SMC5: variants seen among roughly 807,000 people sequenced by gnomAD.
The protein encoded by SMC5 is structural maintenance of chromosomes protein 5.
In SMC5, 88 loss-of-function variants were observed where a neutral mutation model predicts 148.3. The observed-to-expected ratio is 0.59, with a 90% CI of 0.50 to 0.71. The LOEUF (loss-of-function observed/expected upper bound fraction) is 0.71, where lower values mean the gene tolerates loss of function less well. Ranked by LOEUF, SMC5 falls within the 30% of genes least tolerant of loss-of-function variation. The pLI is 0.00. For synonymous variants in SMC5, 421 were observed against 432.8 expected (o/e 0.97, Z 0.34); for missense variants, 1,142 against 1,298.9 (o/e 0.88, Z 1.86).
At chr9:70,282,923 C>A (rs1182945433) in intron 7 of SMC5, among the ~76,000 whole-genome samples, 1 of 151,960 alleles carries the variant, frequency 6.6e-6, no homozygotes, top group Non-Finnish European at 1.5e-5. Flanking sequence ...TGAAGGAGGG[C>A]AATATAGAAA....
At chr9:70,323,901 C>A (rs1213057089) in intron 16 of SMC5, 120 bp from the exon 17 acceptor site, 2 of 980,904 alleles carry the variant, frequency 2.0e-6, no homozygotes, top group Non-Finnish European at 2.9e-6. Context: ...AGAGAGATGT[C>A]AGGCACAATA....
intron 10 of SMC5, among the ~76,000 whole-genome samples, chr9:70,304,460 G>A (rs898476984): frequency 6.6e-6 from 1 of 152,144 alleles, no homozygotes; most frequent in Non-Finnish European, 1.5e-5. Context: ...GCCAAGGCAA[G>A]CCGATCACTT....
chr9:70,305,945 T>G (rs889951914), intron 11 of SMC5, among the ~76,000 whole-genome samples: 1 of 152,208 alleles, frequency 6.6e-6, no homozygotes, highest in Non-Finnish European at 1.5e-5. Context: ...TATGCTTCAG[T>G]TTTCTTGTCT....
chr9:70,321,615 C>T (rs532504824), intron 15 of SMC5, among the ~76,000 whole-genome samples: 2 of 152,122 alleles, frequency 1.3e-5, no homozygotes, highest in African/African-American at 4.8e-5. Context: ...CACCAGACCT[C>T]AATCAGTCCT....
At chr9:70,272,934 G>A (rs906985899) in intron 3 of SMC5, among the ~76,000 whole-genome samples, 1 of 152,172 alleles carries the variant, frequency 6.6e-6, no homozygotes, top group African/African-American at 2.4e-5. Context: ...CGCATTTATT[G>A]AGTTGGTCAT....
At chr9:70,336,168 T>C (rs1360789424) in intron 17 of SMC5, among the ~76,000 whole-genome samples, 2 of 152,164 alleles carry the variant, frequency 1.3e-5, no homozygotes, top group Non-Finnish European at 2.9e-5. Context: ...AGGGGTGCCT[T>C]TTTGTGGAAA....
intron 16 of SMC5, 95 bp from the exon 17 acceptor site, chr9:70,323,926 T>G: frequency 8.6e-7 from 1 of 1,167,864 alleles, no homozygotes; most frequent in Non-Finnish European, 1.2e-6. Context: ...AATTATTTTT[T>G]CATGGTTTAT....
intron 1 of SMC5, among the ~76,000 whole-genome samples, chr9:70,262,919 G>C (rs960070463): frequency 6.6e-6 from 1 of 151,850 alleles, no homozygotes; most frequent in Non-Finnish European, 1.5e-5. Context: ...CACTTGATCT[G>C]GGTAGCTAAA....
intron 1 of SMC5, among the ~76,000 whole-genome samples, chr9:70,263,699 G>GGCTTTGACCTCCTAGGCTCAAGTAGT: frequency 6.6e-6 from 1 of 152,284 alleles, no homozygotes; most frequent in Non-Finnish European, 1.5e-5. Context: ...TGCCTAGGCT[G>GGCTTTGACCTCCTAGGCTCAAGTAGT]GCTTTGACCT....
chr9:70,296,956 A>G (rs962762715), intron 8 of SMC5, among the ~76,000 whole-genome samples: 1 of 152,236 alleles, frequency 6.6e-6, no homozygotes, highest in Non-Finnish European at 1.5e-5. Flanking sequence ...GATGATTAAA[A>G]TCTCACAATA....
Position 70,352,358 on chromosome 9 carries a change from A to AT in SMC5, c.*35dup, listed in dbSNP as rs771295825. ...AAAAGTAAAGAGAGGGAACTTGGGA[A>AT]TTTTTTTTGTTAAATTCTGTTTATA... On this transcript the variant is annotated 3_prime_UTR_variant, in exon 25 of 25. Coordinates refer to ENST00000361138, the MANE Select transcript of SMC5 (RefSeq NM_015110.4). The AT allele has an allele frequency of 3.1e-5, 48 of 1,564,912 alleles. No individual in the cohort carries two copies. The highest frequency in any genetic ancestry group is 3.4e-4 in the Middle Eastern group (2 of 5,832).
intron 13 of SMC5, 138 bp downstream of exon 13, chr9:70,315,716 A>G: frequency 1.6e-6 from 1 of 618,434 alleles, no homozygotes. Context: ...TTATATTTGT[A>G]TTAATTATTT....
intron 17 of SMC5, 55 bp from the exon 18 acceptor site, chr9:70,344,089 C>G (rs945897783): frequency 8.9e-7 from 1 of 1,123,238 alleles, no homozygotes; most frequent in Non-Finnish European, 1.2e-6. Flanking sequence ...TTTAATAAAA[C>G]ATCCCTCTGC....
chr9:70,290,955 T>C (rs1001687776), intron 8 of SMC5, among the ~76,000 whole-genome samples: 1 of 152,206 alleles, frequency 6.6e-6, no homozygotes, highest in African/African-American at 2.4e-5. Flanking sequence ...TTCCTGAGTA[T>C]GGGCCATACT....
At chr9:70,309,079 C>T (rs1053416822) in intron 11 of SMC5, among the ~76,000 whole-genome samples, 1 of 151,998 alleles carries the variant, frequency 6.6e-6, no homozygotes, top group Non-Finnish European at 1.5e-5. Context: ...CTAAAAAATA[C>T]GAACAATCAT....
chr9:70,303,906 A>G (rs901667109), intron 10 of SMC5, among the ~76,000 whole-genome samples: 8 of 152,118 alleles, frequency 5.3e-5, no homozygotes, highest in East Asian at 1.9e-4. Flanking sequence ...AATTCCCTAG[A>G]TAGTACTTTT....
In SMC5 at chr9:70,259,318, C is replaced by T. The variant is rs560054642; in HGVS notation, c.185+55C>T. On this transcript the variant is annotated intron_variant, in intron 1 of 24. Coordinates refer to ENST00000361138, the MANE Select transcript of SMC5 (RefSeq NM_015110.4). ...GTGGAGGTGTGCTGGCCAGCAGGCC[C>T]CGGGGCTCCGGCAGCGCGCGGGCGT... 2.3e-5 allele frequency: 34 copies of T among 1,488,446 alleles called. No homozygotes were observed. In the South Asian group the frequency reaches 3.9e-4, roughly 17 times the overall value. 92.2% of individuals were successfully genotyped at this position (1,488,446 alleles called of 1,614,324 possible).
At chr9:70,348,159 A>G in intron 22 of SMC5, 121 bp downstream of exon 22, 1 of 1,001,590 alleles carries the variant, frequency 1.0e-6, no homozygotes, top group Non-Finnish European at 1.4e-6. Flanking sequence ...GTTTACCAAA[A>G]TGTTGAAAGA....
At chr9:70,270,839 G>A (rs530237259) in intron 3 of SMC5, among the ~76,000 whole-genome samples, 18 of 151,906 alleles carry the variant, frequency 1.2e-4, no homozygotes, top group Admixed American at 7.2e-4. Flanking sequence ...TAGAGACAGG[G>A]TTTCGCCATG....
Sources: gnomAD v4.1 joint callset for allele counts (sites outside exome capture counted in the v4.1 genomes callset) on GRCh38, gnomAD v4.1.1 for gene constraint, MANE v1.5 for transcripts, NCBI Gene and HGNC (gene_info 2026-07-23, HGNC 2026-07-21) for gene names.